Variants in USP39 observed in about 807,000 individuals in gnomAD.
The protein encoded by USP39 is ubiquitin specific peptidase 39, also known as ubiquitin carboxyl-terminal hydrolase 39.
In USP39, 38 loss-of-function variants were observed where a neutral mutation model predicts 66.4. That is an observed-to-expected ratio of 0.57 (90% CI 0.44 to 0.75). USP39 has a LOEUF of 0.75. USP39 is among the 30% of genes least tolerant of loss of function. The pLI, the probability that USP39 is intolerant of heterozygous loss-of-function variation, is 0.00. For missense variants in USP39, 608 were observed against 714.4 expected (o/e 0.85, Z 1.70); for synonymous variants, 303 against 274.6 (o/e 1.10, Z -1.02).
In USP39 at chr2:85,625,722, G is replaced by C. The variant is rs748924763; in HGVS notation, c.723+31G>C. On this transcript the variant is annotated intron_variant, in intron 5 of 12. Transcript: ENST00000323701. ...ATCAAGACGGGAACATTGAGGAAGA[G>C]AAGGACACCCAGAAGGCTGAGCACA... The C allele has an allele frequency of 2.5e-6, 4 of 1,604,082 alleles. No homozygotes were observed. The African/African-American group carries it at 4.0e-5, about 16-fold the overall frequency.
chr2:85,616,125 C>A, upstream of USP39: 1 of 1,389,294 alleles, frequency 7.2e-7, no homozygotes, highest in African/African-American at 1.5e-5. Flanking sequence ...CAGCCCCTCT[C>A]CTGATTGGCC....
Position 85,616,301 on chromosome 2 carries a change from CGGGAGCCTGAGGCGGCGAGCTCCCGG to C in USP39, c.109_134del (p.Glu37GlnfsTer35), listed in dbSNP as rs1222054703. The C allele has an allele frequency of 1.3e-6, 2 of 1,576,264 alleles. No individual in the cohort carries two copies. The highest frequency in any genetic ancestry group is 1.7e-6 in the Non-Finnish European group (2 of 1,159,830). On this transcript the variant is annotated frameshift_variant, in exon 1 of 13. Transcript: ENST00000323701. LOFTEE classifies it high-confidence loss of function. The stretch of plus-strand genomic sequence containing the variant: ...CGTCAAGCGGGAGCGAGATCGGGAG[CGGGAGCCTGAGGCGGCGAGCTCCCGG>C]GGCAGCCCTGTGCGCGTGAAGCGGG...
At chr2:85,641,152 G>A in intron 10 of USP39, 34 bp downstream of exon 10, 5 of 1,606,820 alleles carry the variant, frequency 3.1e-6, no homozygotes, top group Non-Finnish European at 3.4e-6. Flanking sequence ...CTCTCACGGG[G>A]AGTGAACCTG....
At chr2:85,606,036 T>G (rs896417757) in intron 1 of USP39, among the ~76,000 whole-genome samples, 1 of 152,226 alleles carries the variant, frequency 6.6e-6, no homozygotes, top group Non-Finnish European at 1.5e-5. Context: ...CCTTGGAAAC[T>G]CAGCTTCGTT....
chr2:85,615,010 G>A (rs1673818291), upstream of USP39, among the ~76,000 whole-genome samples: 1 of 151,712 alleles, frequency 6.6e-6, no homozygotes, highest in African/African-American at 2.4e-5. Context: ...GTGTGGTGTG[G>A]TGTGGTGTGG....
chr2:85,629,583 G>A (rs528436122), intron 5 of USP39, among the ~76,000 whole-genome samples: 38 of 146,692 alleles, frequency 2.6e-4, no homozygotes, highest in Admixed American at 6.3e-4. Flanking sequence ...TGCAACCTCC[G>A]CCTCCCGGGT....
chr2:85,603,186 A>G (rs933348221), intron 1 of USP39: 3 of 152,248 alleles, frequency 2.0e-5, no homozygotes, highest in Non-Finnish European at 4.4e-5. Flanking sequence ...CTGTTTCTTA[A>G]GAAATCCAAG....
intron 5 of USP39, among the ~76,000 whole-genome samples, chr2:85,628,871 GT>G (rs1675087231): frequency 6.6e-6 from 1 of 152,110 alleles, no homozygotes; most frequent in Non-Finnish European, 1.5e-5. Flanking sequence ...TGCTCTCTGT[GT>G]TCTGAGTTGT....
rs571716981 is a variant in USP39 at position 85,605,911 on chromosome 2, G to A, written n.226+2830G>A. Among the ~76,000 whole-genome samples, 206 of 152,240 alleles carry A rather than the reference G, an allele frequency of 1.4e-3. 2 individuals are homozygous for A. In the Middle Eastern group the frequency reaches 0.017, roughly 13 times the overall value. On this transcript the variant is annotated intron_variant and non_coding_transcript_variant, in intron 1 of 12. Transcript: ENST00000459775. ...TTGGCTGGGCTCCAACTCTCATTTGGTACAAAAAGCTTTACATTCTTTTCC... is the reference window on the plus strand; with the variant it reads ...TTGGCTGGGCTCCAACTCTCATTTGATACAAAAAGCTTTACATTCTTTTCC...
intron 6 of USP39, among the ~76,000 whole-genome samples, chr2:85,631,265 G>A (rs952626993): frequency 2.5e-4 from 37 of 150,736 alleles, no homozygotes; most frequent in Admixed American, 2.0e-3. Context: ...CACCCTACTC[G>A]GCCTCCCAAA....
At chr2:85,622,503 G>T (rs1674541260) in intron 3 of USP39, among the ~76,000 whole-genome samples, 1 of 151,654 alleles carries the variant, frequency 6.6e-6, no homozygotes, top group South Asian at 2.1e-4. Flanking sequence ...GTGCTTGCCT[G>T]TACCTCCCAA....
At chr2:85,623,522 G>A in intron 3 of USP39, 124 bp from the exon 4 acceptor site, 1 of 1,328,714 alleles carries the variant, frequency 7.5e-7, no homozygotes, top group East Asian at 2.6e-5. Flanking sequence ...TTTATGAATG[G>A]CATAATATTT....
upstream of USP39, chr2:85,609,635 G>A (rs199984532): frequency 3.1e-6 from 5 of 1,607,932 alleles, no homozygotes; most frequent in African/African-American, 1.3e-5. Flanking sequence ...TGCTGCTGAA[G>A]GCCCTGTCCA....
At chr2:85,628,117 G>A (rs1017795151) in intron 5 of USP39, among the ~76,000 whole-genome samples, 2 of 152,112 alleles carry the variant, frequency 1.3e-5, no homozygotes, top group East Asian at 1.9e-4. Context: ...TCATCAGATC[G>A]TTCCTCTTAA....
chr2:85,629,870 G>A (rs1438942846), intron 5 of USP39, among the ~76,000 whole-genome samples: 2 of 151,972 alleles, frequency 1.3e-5, no homozygotes, highest in African/African-American at 4.8e-5. Flanking sequence ...GCTTAGGCAT[G>A]AGAATTGCTT....
At chr2:85,611,116 TG>T (rs1673491894), upstream of USP39, 1 of 342,466 alleles carries the variant, frequency 2.9e-6, no homozygotes, top group Non-Finnish European at 4.4e-6. Context: ...GGCACACGCC[TG>T]TGGTCCCAGG....
chr2:85,615,229 C>T (rs999338360), upstream of USP39, among the ~76,000 whole-genome samples: 4 of 152,306 alleles, frequency 2.6e-5, no homozygotes, highest in African/African-American at 9.6e-5. Context: ...CCATATTGGC[C>T]AGGCTGGTCT....
At chr2:85,638,283 A>G (rs144165468) in intron 8 of USP39, among the ~76,000 whole-genome samples, 1,854 of 152,092 alleles carry the variant, frequency 0.012, 51 homozygotes, top group East Asian at 0.092. Context: ...TGGCCTCCCA[A>G]AGTGCTGGGA....
chr2:85,630,404 G>C (rs1460626521), intron 5 of USP39, among the ~76,000 whole-genome samples: 1 of 152,224 alleles, frequency 6.6e-6, no homozygotes, highest in Non-Finnish European at 1.5e-5. Flanking sequence ...AGCATAATTA[G>C]AGTAACAAAA....
Sources: gnomAD v4.1 joint callset for allele counts (sites outside exome capture counted in the v4.1 genomes callset) on GRCh38, gnomAD v4.1.1 for gene constraint, MANE v1.5 for transcripts, NCBI Gene and HGNC (gene_info 2026-07-23, HGNC 2026-07-21) for gene names.